TMEM156: variants seen among roughly 807,000 people sequenced by gnomAD.
The protein encoded by TMEM156 is transmembrane protein 156.
In TMEM156, 28 loss-of-function variants were observed where a neutral mutation model predicts 30.5. The ratio of observed to expected loss-of-function variants is 0.92; its 90% confidence interval spans 0.68 to 1.26. The LOEUF is 1.26. Ranked by LOEUF, TMEM156 falls within the 50% of genes most tolerant of loss-of-function variation. The probability of loss-of-function intolerance (pLI) is 0.00; values close to 1 mark genes in which losing one functional copy is unlikely to be tolerated. For missense variants in TMEM156, 351 were observed against 340.6 expected (o/e 1.03, Z -0.24); for synonymous variants, 137 against 119.9 (o/e 1.14, Z -0.93).
chr4:38,971,032 C>T lies in TMEM156; in HGVS notation c.*38G>A, dbSNP rs1409937305. 1.5e-5 allele frequency: 23 copies of T among 1,564,366 alleles called. No individual in the cohort carries two copies. The highest frequency in any genetic ancestry group is 3.3e-5 in the South Asian group (3 of 89,566). On this transcript the variant is annotated splice_region_variant and 3_prime_UTR_variant, in exon 6 of 7. Coordinates refer to ENST00000381938, the MANE Select transcript of TMEM156 (RefSeq NM_024943.3). ...TCGATAAAGCCGAATCATCACTCAC[C>T]GTGTATATTGATCTCACTGATGCAC...
At chr4:38,979,144 A>G (rs1723052918) in intron 5 of TMEM156, among the ~76,000 whole-genome samples, 2 of 152,250 alleles carry the variant, frequency 1.3e-5, no homozygotes. Context: ...GAACTGCATT[A>G]TACAATGGAT....
At chr4:38,977,555 C>T (rs186127506) in intron 5 of TMEM156, among the ~76,000 whole-genome samples, 31 of 152,234 alleles carry the variant, frequency 2.0e-4, no homozygotes, top group South Asian at 6.2e-4. Flanking sequence ...ATAGCTAAAA[C>T]GGGTGGAAAT....
chr4:38,976,975 G>A (rs540497263), intron 5 of TMEM156, among the ~76,000 whole-genome samples: 2 of 152,240 alleles, frequency 1.3e-5, no homozygotes, highest in South Asian at 2.1e-4. Context: ...GCACAATCTT[G>A]GCTCACTACA....
At chr4:38,976,222 C>T (rs556937175) in intron 5 of TMEM156, among the ~76,000 whole-genome samples, 14 of 138,334 alleles carry the variant, frequency 1.0e-4, no homozygotes, top group African/African-American at 1.6e-4. Context: ...ACTCGGGAGG[C>T]GGAAGTTGCA....
chr4:39,001,396 GA>G (rs762121200), intron 1 of TMEM156, among the ~76,000 whole-genome samples: 2,663 of 117,270 alleles, frequency 0.023, 37 homozygotes, highest in African/African-American at 0.039. Context: ...AAAAAAAAAA[GA>G]AAAAAAAAAA....
At chr4:38,969,003 T>C (rs1460531387) in intron 6 of TMEM156, among the ~76,000 whole-genome samples, 1 of 152,208 alleles carries the variant, frequency 6.6e-6, no homozygotes, top group Non-Finnish European at 1.5e-5. Context: ...GGTTTGTTTG[T>C]ACAAATTTAT....
intron 6 of TMEM156, among the ~76,000 whole-genome samples, chr4:38,969,744 C>T (rs1031794233): frequency 6.6e-6 from 1 of 152,134 alleles, no homozygotes; most frequent in African/African-American, 2.4e-5. Context: ...AGACACGTGT[C>T]ACCACGCCTG....
At chr4:39,013,420 A>C (rs929957528) in intron 1 of TMEM156, among the ~76,000 whole-genome samples, 2 of 145,568 alleles carry the variant, frequency 1.4e-5, no homozygotes, top group African/African-American at 5.1e-5. Context: ...TTTATTTATT[A>C]AGACGGAGTC....
Position 38,995,246 on chromosome 4 carries a change from G to A in TMEM156, c.359-1248C>T, listed in dbSNP as rs183223944. Among the ~76,000 whole-genome samples, 6 of 152,242 alleles carry A rather than the reference G, an allele frequency of 3.9e-5. No individual in the cohort carries two copies. The East Asian group carries it at 5.8e-4, about 15-fold the overall frequency. On this transcript the variant is annotated intron_variant, in intron 2 of 6. Transcript: ENST00000381938. ...CATCTTAACTACATCTACAATGACCGTATTTCCAAATAATGTCATATTCTG... is the reference window on the plus strand; with the variant it reads ...CATCTTAACTACATCTACAATGACCATATTTCCAAATAATGTCATATTCTG...
intron 3 of TMEM156, among the ~76,000 whole-genome samples, chr4:38,991,565 G>A (rs957443180): frequency 2.0e-5 from 3 of 151,970 alleles, no homozygotes; most frequent in East Asian, 1.9e-4. Context: ...TATACTTTTC[G>A]CAGAATACAA....
In TMEM156 at chr4:38,975,239, A is replaced by T. The variant is rs757737595; in HGVS notation, c.824-4102T>A. 5.3e-4 allele frequency among the ~76,000 whole-genome samples: 80 copies of T among 152,034 alleles called. 2 individuals are homozygous for T. Among genetic ancestry groups the T allele is most frequent in the Non-Finnish European group, 6.5e-4 (44 of 67,986 alleles). Reference sequence around the variant, plus strand: ...CTCCTGCTCTCCTCCACACACATCCATTGCATTTGAGCCCCTTGGCATCCT... The same window carrying T: ...CTCCTGCTCTCCTCCACACACATCCTTTGCATTTGAGCCCCTTGGCATCCT... On this transcript the variant is annotated intron_variant, in intron 5 of 6. Transcript: ENST00000381938.
chr4:38,990,367 C>T (rs916765746), intron 3 of TMEM156, among the ~76,000 whole-genome samples: 2 of 152,182 alleles, frequency 1.3e-5, no homozygotes, highest in African/African-American at 4.8e-5. Context: ...ATTCCACGCT[C>T]TTCAGCTGCC....
chr4:39,024,478 T>C (rs1715075153), intron 1 of TMEM156, among the ~76,000 whole-genome samples: 1 of 152,194 alleles, frequency 6.6e-6, no homozygotes, highest in Admixed American at 6.5e-5. Context: ...ATATACACCA[T>C]GGAATACTAT....
chr4:39,005,957 A>G (rs373975896), intron 1 of TMEM156, among the ~76,000 whole-genome samples: 1 of 152,134 alleles, frequency 6.6e-6, no homozygotes, highest in Non-Finnish European at 1.5e-5. Flanking sequence ...GTGCAGTGGT[A>G]CGATCTCGGC....
intron 3 of TMEM156, among the ~76,000 whole-genome samples, chr4:38,990,881 T>C (rs1175200570): frequency 7.8e-6 from 1 of 128,538 alleles, no homozygotes; most frequent in African/African-American, 3.1e-5. Flanking sequence ...TCACCCAGGC[T>C]GGAGTGCGGT....
At chr4:38,992,714 A>ATATAATATATATATTATATAATATAT (rs1712588546) in intron 3 of TMEM156, among the ~76,000 whole-genome samples, 6 of 44,844 alleles carry the variant, frequency 1.3e-4, no homozygotes, top group African/African-American at 4.3e-4. Context: ...TATATATATT[A>ATATAATATATATATTATATAATATAT]TATATATATA....
intron 3 of TMEM156, among the ~76,000 whole-genome samples, chr4:38,990,831 T>TTTA (rs143851283): frequency 3.8e-5 from 3 of 79,430 alleles, no homozygotes; most frequent in East Asian, 5.8e-4. Flanking sequence ...TGTTTTCTGG[T>TTTA]TTTTTTTTTT....
chr4:38,991,521 G>A (rs1029695730), intron 3 of TMEM156, among the ~76,000 whole-genome samples: 2 of 151,982 alleles, frequency 1.3e-5, no homozygotes, highest in Non-Finnish European at 2.9e-5. Flanking sequence ...ACCGTGCCCA[G>A]CCACCTTTAA....
chr4:39,015,743 C>T (rs1317609638), intron 1 of TMEM156, among the ~76,000 whole-genome samples: 2 of 152,176 alleles, frequency 1.3e-5, no homozygotes, highest in East Asian at 1.9e-4. Context: ...GCTCTCATAA[C>T]TCCCTCATGT....
Sources: allele counts gnomAD v4.1 joint callset (sites outside exome capture counted in the v4.1 genomes callset), GRCh38; gene constraint gnomAD v4.1.1; transcripts MANE v1.5; gene names NCBI Gene and HGNC (gene_info 2026-07-23, HGNC 2026-07-21).